Variants in CYP2R1 observed in about 807,000 individuals in gnomAD.
CYP2R1 encodes the protein vitamin D 25-hydroxylase.
A neutral mutation model predicts 45.7 loss-of-function variants in CYP2R1; 40 were observed. That is an observed-to-expected ratio of 0.87 (90% CI 0.68 to 1.14). The LOEUF (loss-of-function observed/expected upper bound fraction) is 1.14. Among genes scored for constraint, CYP2R1 ranks in the 50% most tolerant of loss-of-function variants. CYP2R1 has a pLI of 0.00. For synonymous variants in CYP2R1, 234 were observed against 219.3 expected, an observed-to-expected ratio of 1.07 and a Z score of -0.59; for missense variants, 605 against 602.6, an observed-to-expected ratio of 1.00 and a Z score of -0.04.
At chr11:14,888,794 G>T (rs1359525140) in intron 1 of CYP2R1, among the ~76,000 whole-genome samples, 1 of 152,182 alleles carries the variant, frequency 6.6e-6, no homozygotes, top group Non-Finnish European at 1.5e-5. Context: ...AATAAATGCT[G>T]TAAAAATAAA....
rs782690610 is a variant in CYP2R1, at chr11:14,879,292, A to G, written c.1152T>C (p.Ser384=). ...IVPLGIFHAT[S]EDAVVRGYSI... is the part of the protein sequence containing the mutation. Reference sequence around the variant, plus strand: ...AATAACCACGTACAACTGCATCTTCAGAGGTTGCATGGAAAATCCCTAATG... The same window carrying G: ...AATAACCACGTACAACTGCATCTTCGGAGGTTGCATGGAAAATCCCTAATG... The change falls in exon 4 of 5, where the codon TCT becomes TCC. Residue 384 remains serine, a synonymous_variant. Coordinates refer to ENST00000334636, the MANE Select transcript of CYP2R1 (RefSeq NM_024514.5). 6.2e-7 allele frequency: 1 copy of G among 1,613,336 alleles called. No individual in the cohort carries two copies. The highest frequency in any genetic ancestry group is 1.7e-5 in the Admixed American group (1 of 59,848).
chr11:14,886,177 G>A, intron 1 of CYP2R1: 1 of 470,870 alleles, frequency 2.1e-6, no homozygotes, highest in Non-Finnish European at 3.9e-6. Flanking sequence ...GGACTCGGGA[G>A]GCCTGGGTCT....
intron 1 of CYP2R1, chr11:14,887,334 AGTT>A (rs1426441405): frequency 6.6e-6 from 1 of 152,384 alleles, no homozygotes; most frequent in African/African-American, 2.4e-5. Flanking sequence ...GGCTTGAGAA[AGTT>A]GTTACACAAT....
At chr11:14,892,375 T>C, upstream of CYP2R1, 1 of 659,828 alleles carries the variant, frequency 1.5e-6, no homozygotes. Flanking sequence ...CTTCTAGTTT[T>C]GCGCGGCTGA....
chr11:14,880,552 A>G lies in CYP2R1; in HGVS notation c.584T>C (p.Ile195Thr). ...TTCATAAGTGAATCGTTCTCCAAAA[A>G]TGATCAGATTGGTTATGTTTGAAAC... is the stretch of plus-strand genomic sequence containing the variant. ...NAVSNITNLIIFGERFTYEDT... is the reference protein window; with the variant it reads ...NAVSNITNLITFGERFTYEDT... Residue 195 changes from isoleucine (I) to threonine (T), a missense_variant, in exon 3 of 5, where the codon ATT becomes ACT. By Grantham distance (89) the Ile-to-Thr change is moderately conservative. Transcript: ENST00000334636. 1 of 1,613,512 alleles carries G rather than the reference A, an allele frequency of 6.2e-7. No individual in the cohort carries two copies. The highest frequency in any genetic ancestry group is 8.5e-7 in the Non-Finnish European group (1 of 1,179,678).
intron 2 of CYP2R1, among the ~76,000 whole-genome samples, chr11:14,883,912 C>CA (rs1245797998): frequency 2.0e-5 from 3 of 152,044 alleles, no homozygotes; most frequent in African/African-American, 4.8e-5. Context: ...TTTATGCAGC[C>CA]AAAAAACACA....
In CYP2R1 at chr11:14,879,273, C is replaced by T; in HGVS notation, c.1171G>A (p.Gly391Ser). ...GTTGTGCCTTTAGGAATGGAATAAC[C>T]ACGTACAACTGCATCTTCAGAGGTT... ...HATSEDAVVR[G>S]YSIPKGTTVI... The change falls in exon 4 of 5, where the codon GGT (glycine) becomes AGT (serine). Residue 391 changes from glycine to serine, a missense_variant. Gly to Ser is a moderately conservative substitution (Grantham distance 56, BLOSUM62 0). Transcript: ENST00000334636. 6.2e-7 allele frequency: 1 copy of T among 1,613,212 alleles called. No individual in the cohort carries two copies. The highest frequency in any genetic ancestry group is 8.5e-7 in the Non-Finnish European group (1 of 1,179,526).
chr11:14,891,849 C>T, intron 1 of CYP2R1, 132 bp downstream of exon 1: 1 of 1,413,896 alleles, frequency 7.1e-7, no homozygotes, highest in African/African-American at 1.4e-5. Context: ...GGGTGTCCCT[C>T]AAAGGGCAGC....
At chr11:14,886,654 C>A (rs575358391) in intron 1 of CYP2R1, 1 of 152,176 alleles carries the variant, frequency 6.6e-6, no homozygotes, top group African/African-American at 2.4e-5. Context: ...TCTAGTTAAC[C>A]CAATATAAGA....
intron 3 of CYP2R1, 120 bp from the exon 4 acceptor site, chr11:14,879,563 A>G: frequency 1.4e-6 from 1 of 691,892 alleles, no homozygotes; most frequent in Non-Finnish European, 2.5e-6. Context: ...AGATACATCC[A>G]GATTCAGATT....
intron 1 of CYP2R1, among the ~76,000 whole-genome samples, chr11:14,889,207 GAC>G (rs1486396261): frequency 5.5e-5 from 8 of 144,796 alleles, no homozygotes; most frequent in African/African-American, 2.0e-4. Context: ...AAATTTAAAA[GAC>G]AGTGGAAAAC....
At position 14,880,425 on chromosome 11, in the gene CYP2R1, G is replaced by A. The variant is rs782516387; in HGVS notation, c.711C>T (p.Ile237=). Residue 237 remains isoleucine (I), a synonymous_variant, in exon 3 of 5, where the codon ATC becomes ATT. Coordinates refer to ENST00000334636, the MANE Select transcript of CYP2R1 (RefSeq NM_024514.5). The part of the protein sequence containing the change: ...FLYNAFPWIG[I]LPFGKHQQLF... ...GCTGTTGATGTTTTCCAAAAGGCAG[G>A]ATGCCAATCCATGGAAAGGCATTAT... 2.4e-5 allele frequency: 39 copies of A among 1,613,328 alleles called. No individual in the cohort carries two copies. The highest frequency in any genetic ancestry group is 3.2e-5 in the Non-Finnish European group (38 of 1,179,692).
chr11:14,892,045 G>A lies in CYP2R1; in HGVS notation c.161C>T (p.Ser54Phe), dbSNP rs1590237806. 2.5e-6 allele frequency: 4 copies of A among 1,613,202 alleles called. No homozygotes were observed. The highest frequency in any genetic ancestry group is 3.4e-6 in the Non-Finnish European group (4 of 1,179,746). Residue 54 changes from serine (S) to phenylalanine (F), a missense_variant, in exon 1 of 5, where the codon TCC (serine) becomes TTC (phenylalanine). By Grantham distance (155) the Ser-to-Phe change is radical. Transcript: ENST00000334636. ...GGGAAGCTCGGATGAGGCTGCCAGG[G>A]AATAGATGTTGCCGATAAATGGCAG... ...PGLPFIGNIY[S>F]LAASSELPHV...
At chr11:14,889,208 AC>A (rs1848735691) in intron 1 of CYP2R1, among the ~76,000 whole-genome samples, 1 of 151,518 alleles carries the variant, frequency 6.6e-6, no homozygotes, top group Non-Finnish European at 1.5e-5. Flanking sequence ...AATTTAAAAG[AC>A]AGTGGAAAAC....
chr11:14,892,109 G>A lies in CYP2R1; in HGVS notation c.97C>T (p.Gln33Ter), dbSNP rs1555017349. Reference sequence around the variant, plus strand: ...GGGGGGAAGCCCATCGGCCGCCTCTGCTTCAGCAGCTGGCGGACCCCTAGC... The same window carrying A: ...GGGGGGAAGCCCATCGGCCGCCTCTACTTCAGCAGCTGGCGGACCCCTAGC... ...FALGVRQLLK[Q>*]RRPMGFPPGP... Residue 33 changes from glutamine (Q) to a stop codon, truncating the protein, a stop_gained, in exon 1 of 5, where the codon CAG (glutamine) becomes TAG (stop). Coordinates refer to ENST00000334636, the MANE Select transcript of CYP2R1 (RefSeq NM_024514.5). LOFTEE classifies it high-confidence loss of function. The A allele has an allele frequency of 6.2e-7, 1 of 1,611,836 alleles. No individual in the cohort carries two copies. The highest frequency in any genetic ancestry group is 1.1e-5 in the South Asian group (1 of 91,040).
In CYP2R1 at chr11:14,892,098, C is replaced by T. The variant is rs1590237988; in HGVS notation, c.108G>A (p.Pro36=). The change falls in exon 1 of 5, where the codon CCG becomes CCA. Residue 36 remains proline, a synonymous_variant. Coordinates refer to ENST00000334636, the MANE Select transcript of CYP2R1 (RefSeq NM_024514.5). The part of the protein sequence containing the change: ...GVRQLLKQRR[P]MGFPPGPPGL... ...CCGGCGGCCCCGGGGGGAAGCCCATCGGCCGCCTCTGCTTCAGCAGCTGGC... is the reference window on the plus strand; with the variant it reads ...CCGGCGGCCCCGGGGGGAAGCCCATTGGCCGCCTCTGCTTCAGCAGCTGGC... 6.2e-7 allele frequency: 1 copy of T among 1,611,622 alleles called. No homozygotes were observed. The highest frequency in any genetic ancestry group is 8.5e-7 in the Non-Finnish European group (1 of 1,179,648).
At chr11:14,880,809 C>A in intron 2 of CYP2R1, 41 bp from the exon 3 acceptor site, 2 of 1,549,644 alleles carry the variant, frequency 1.3e-6, no homozygotes, top group South Asian at 2.4e-5. Context: ...TCCTACTTCT[C>A]TGTATCTAAA....
chr11:14,885,982 A>C, intron 1 of CYP2R1, 65 bp from the exon 2 acceptor site: 1 of 1,513,704 alleles, frequency 6.6e-7, no homozygotes, highest in Non-Finnish European at 9.2e-7. Context: ...AACCATGGAA[A>C]TCTACAAGTG....
chr11:14,891,131 C>T (rs1167708774), intron 1 of CYP2R1: 14 of 985,366 alleles, frequency 1.4e-5, no homozygotes, highest in Non-Finnish European at 1.6e-5. Context: ...CTCCTGCCCC[C>T]TCCGGACGTC....
Sources: allele counts gnomAD v4.1 joint callset (sites outside exome capture counted in the v4.1 genomes callset), GRCh38; gene constraint gnomAD v4.1.1; transcripts MANE v1.5; gene names NCBI Gene and HGNC (gene_info 2026-07-23, HGNC 2026-07-21).